KIAA1755: variants seen among roughly 807,000 people sequenced by gnomAD.
The protein encoded by KIAA1755 is uncharacterized protein KIAA1755.
Under a neutral mutation model 91.7 loss-of-function variants are expected in KIAA1755, and 68 were observed. The ratio of observed to expected loss-of-function variants is 0.74; its 90% CI spans 0.61 to 0.91. KIAA1755 has a LOEUF of 0.91. Among genes scored for constraint, KIAA1755 ranks in the 40% least tolerant of loss-of-function variants. The pLI, the probability that KIAA1755 is intolerant of heterozygous loss-of-function variation, is 0.00. For synonymous variants in KIAA1755, 610 were observed against 604.6 expected, an observed-to-expected ratio of 1.01 and a Z score of -0.13; for missense variants, 1,535 against 1,494.4, an observed-to-expected ratio of 1.03 and a Z score of -0.45.
chr20:38,240,966 C>T lies in KIAA1755; in HGVS notation c.1165G>A (p.Ala389Thr), dbSNP rs2076049165. The T allele has an allele frequency of 6.2e-7, 1 of 1,614,102 alleles. No individual in the cohort carries two copies. The highest frequency in any genetic ancestry group is 1.1e-5 in the South Asian group (1 of 91,084). ...DALDCASGLR[A>T]GVSQEPAASK... is the part of the protein sequence containing the mutation. ...GCAGCTGGCTCTTGTGAGACACCTG[C>T]CCTGAGACCAGAGGCACAGTCCAGT... Residue 389 changes from alanine to threonine, a missense_variant, in exon 3 of 14, where the codon GCA (alanine) becomes ACA (threonine). Transcript: ENST00000279024.
In KIAA1755 at chr20:38,227,218, C is replaced by T. The variant is rs763007728; in HGVS notation, c.1988G>A (p.Arg663Gln). The change falls in exon 7 of 14, where the codon CGG becomes CAG. Residue 663 changes from arginine (R) to glutamine (Q), a missense_variant. Arg to Gln is a conservative substitution (Grantham distance 43). Coordinates refer to ENST00000279024, the MANE Select transcript of KIAA1755 (RefSeq NM_001029864.2). ...ATQAQVPASIRAILFLGEKEA... is the reference protein window; with the variant it reads ...ATQAQVPASIQAILFLGEKEA... Reference sequence around the variant, plus strand: ...CTTCTCCCCCAGGAAGAGAATAGCCCGGATAGAGGCTGGGACCTGAGCCTG... The same window carrying T: ...CTTCTCCCCCAGGAAGAGAATAGCCTGGATAGAGGCTGGGACCTGAGCCTG... 19 of 1,613,660 alleles carry T rather than the reference C, an allele frequency of 1.2e-5. No individual in the cohort carries two copies. Among genetic ancestry groups the T allele is most frequent in the African/African-American group, 2.7e-5 (2 of 74,908 alleles).
intron 9 of KIAA1755, chr20:38,222,815 C>A (rs935212354): frequency 9.8e-6 from 6 of 615,352 alleles, no homozygotes; most frequent in Non-Finnish European, 1.5e-5. Flanking sequence ...CTTGCTGGGA[C>A]ACCCATTCCA....
chr20:38,215,751 TGGGC>T (rs1159561339), intron 13 of KIAA1755, among the ~76,000 whole-genome samples: 2 of 152,234 alleles, frequency 1.3e-5, no homozygotes, highest in East Asian at 3.9e-4. Flanking sequence ...CTGAAATCAG[TGGGC>T]AAGGCAAAGA....
At chr20:38,216,784 A>C in intron 13 of KIAA1755, 1 of 459,518 alleles carries the variant, frequency 2.2e-6, no homozygotes. Flanking sequence ...AGGTGTGTGA[A>C]GTGCTCACAG....
chr20:38,248,122 G>A (rs1294906506), intron 1 of KIAA1755, among the ~76,000 whole-genome samples: 2 of 152,184 alleles, frequency 1.3e-5, no homozygotes, highest in Non-Finnish European at 2.9e-5. Flanking sequence ...CCAGCTACTC[G>A]GGAGGCCAAG....
chr20:38,217,138 T>G, intron 13 of KIAA1755, 115 bp downstream of exon 13: 3 of 838,272 alleles, frequency 3.6e-6, no homozygotes, highest in East Asian at 2.8e-5. Context: ...ATCCAAGGGA[T>G]GGGGGCGGTG....
intron 12 of KIAA1755, 84 bp downstream of exon 12, chr20:38,218,160 C>A: frequency 1.3e-6 from 2 of 1,576,668 alleles, no homozygotes; most frequent in Non-Finnish European, 1.7e-6. Flanking sequence ...TTTCCCACCT[C>A]CACAGCTTTG....
At chr20:38,243,177 T>C (rs1288524559) in intron 2 of KIAA1755, among the ~76,000 whole-genome samples, 2 of 152,228 alleles carry the variant, frequency 1.3e-5, no homozygotes, top group African/African-American at 4.8e-5. Flanking sequence ...ATAATTTGGA[T>C]GTGTGTAGGG....
intron 1 of KIAA1755, among the ~76,000 whole-genome samples, chr20:38,251,121 C>T (rs774182264): frequency 6.6e-5 from 10 of 151,912 alleles, no homozygotes; most frequent in Non-Finnish European, 1.3e-4. Context: ...AAATAAACTA[C>T]TTTAAAAAAT....
At position 38,241,285 on chromosome 20, in the gene KIAA1755, G is replaced by C. The variant is rs372232952; in HGVS notation, c.846C>G (p.Ser282=). Residue 282 remains serine (S), a synonymous_variant, in exon 3 of 14, where the codon TCC becomes TCG. Transcript: ENST00000279024. The part of the protein sequence containing the change: ...EGDYVALLGF[S]QESRGESPSR... The stretch of plus-strand genomic sequence containing the variant: ...TGGGAGACTCTCCTCTGCTCTCTTG[G>C]GAAAAGCCTAGGAGAGCCACATAGT... 140 of 1,613,966 alleles carry C rather than the reference G, an allele frequency of 8.7e-5. No individual in the cohort carries two copies. Among genetic ancestry groups the C allele is most frequent in the Non-Finnish European group, 1.1e-4 (132 of 1,180,010 alleles).
In KIAA1755 at chr20:38,223,421, T is replaced by C. The variant is rs140601168; in HGVS notation, c.2268+117A>G. The C allele has an allele frequency of 1.3e-3, 861 of 684,674 alleles. 7 individuals carry two copies. In the African/African-American group the frequency reaches 0.015, roughly 12 times the overall value. The allele number at this position is 684,674 out of a possible 1,614,324, so 42.4% of individuals were successfully genotyped here. ...CCTCAAATATGAGTCAAATGAATGATGAAAAACAGGAATAATGTCCTCCCC... is the reference window on the plus strand; with the variant it reads ...CCTCAAATATGAGTCAAATGAATGACGAAAAACAGGAATAATGTCCTCCCC... On this transcript the variant is annotated intron_variant, in intron 9 of 13. Transcript: ENST00000279024.
chr20:38,242,952 G>T (rs1363457652), intron 2 of KIAA1755, among the ~76,000 whole-genome samples: 1 of 152,178 alleles, frequency 6.6e-6, no homozygotes, highest in Non-Finnish European at 1.5e-5. Context: ...TCCCTGTATA[G>T]GTGGGTACAG....
chr20:38,239,709 G>A lies in KIAA1755; in HGVS notation c.1566C>T (p.Thr522=), dbSNP rs1172781024. The A allele has an allele frequency of 2.5e-6, 4 of 1,612,112 alleles. No homozygotes were observed. The highest frequency in any genetic ancestry group is 1.3e-5 in the African/African-American group (1 of 74,884). The change falls in exon 4 of 14, where the codon ACC becomes ACT. Residue 522 remains threonine (T), a synonymous_variant. Coordinates refer to ENST00000279024, the MANE Select transcript of KIAA1755 (RefSeq NM_001029864.2). ...KSLGKAGTTQ[T]KTSGPATAPS... is the part of the protein sequence containing the mutation. ...GGGCAGTGGCTGGGCCAGATGTTTT[G>A]GTCTGAGTTGTTCCAGCTGGGAAAA...
At chr20:38,244,442 A>G (rs1480737415) in intron 2 of KIAA1755, among the ~76,000 whole-genome samples, 2 of 152,140 alleles carry the variant, frequency 1.3e-5, no homozygotes, top group Admixed American at 1.3e-4. Flanking sequence ...ATTTATTTCT[A>G]CCACTGGAAT....
intron 1 of KIAA1755, 36 bp from the exon 2 acceptor site, chr20:38,246,162 T>G: frequency 6.4e-7 from 1 of 1,564,092 alleles, no homozygotes; most frequent in Non-Finnish European, 8.7e-7. Flanking sequence ...ATAATAGCAA[T>G]GATAATAAGG....
At chr20:38,218,034 T>C (rs1383855923) in intron 12 of KIAA1755, 1 of 623,152 alleles carries the variant, frequency 1.6e-6, no homozygotes, top group Non-Finnish European at 2.8e-6. Flanking sequence ...CTCTGGGGGA[T>C]TCAGAATATT....
At chr20:38,251,546 A>G (rs558205924) in intron 1 of KIAA1755, among the ~76,000 whole-genome samples, 1 of 151,350 alleles carries the variant, frequency 6.6e-6, no homozygotes, top group Admixed American at 6.6e-5. Context: ...TGTCTTTGCA[A>G]TGAGCCACTG....
intron 4 of KIAA1755, among the ~76,000 whole-genome samples, chr20:38,235,563 G>A (rs187680113): frequency 2.6e-4 from 40 of 152,292 alleles, no homozygotes; most frequent in Admixed American, 6.5e-4. Flanking sequence ...TGGCTTTGAG[G>A]ATGGAGGAAG....
At chr20:38,232,752 C>T (rs2075891827) in intron 4 of KIAA1755, among the ~76,000 whole-genome samples, 1 of 151,752 alleles carries the variant, frequency 6.6e-6, no homozygotes, top group Admixed American at 6.6e-5. Context: ...AAAGTAAAGA[C>T]ATTTTGTTGG....
Sources: gnomAD v4.1 joint callset for allele counts (sites outside exome capture counted in the v4.1 genomes callset) on GRCh38, gnomAD v4.1.1 for gene constraint, MANE v1.5 for transcripts, NCBI Gene and HGNC (gene_info 2026-07-23, HGNC 2026-07-21) for gene names.